Variants in SLC4A9 observed in about 807,000 individuals in gnomAD.
The protein encoded by SLC4A9 is solute carrier family 4 member 9.
SLC4A9 carries 102 observed loss-of-function variants against 103.2 expected under a neutral mutation model. That is an observed-to-expected ratio of 0.99 (90% CI 0.84 to 1.17). The LOEUF (loss-of-function observed/expected upper bound fraction) is 1.17. Among genes scored for constraint, SLC4A9 ranks in the 50% most tolerant of loss-of-function variants. The pLI, the probability that SLC4A9 is intolerant of heterozygous loss-of-function variation, is 0.00. For synonymous variants in SLC4A9, 453 were observed against 483.6 expected (o/e 0.94, Z 0.83); for missense variants, 1,091 against 1,193.7 (o/e 0.91, Z 1.27).
rs1334581380 is a variant in SLC4A9 at position 140,375,110 on chromosome 5, T to G, written c.*329T>G. 2.0e-5 allele frequency: 3 copies of G among 152,122 alleles called. No homozygotes were observed. Among genetic ancestry groups the G allele is most frequent in the Non-Finnish European group, 4.4e-5 (3 of 68,014 alleles). The allele number at this position is 152,122 out of a possible 1,614,324, so 9.4% of individuals were successfully genotyped here. On this transcript the variant is annotated 3_prime_UTR_variant, in exon 22 of 22. Coordinates refer to ENST00000506757, the MANE Select transcript of SLC4A9 (RefSeq NM_031467.3). ...TCATCTTGCAAAGAGAAAAAGCCAG[T>G]CTTTCCAGAATAAATATTCATCTGT...
chr5:140,362,103 A>G lies in SLC4A9; in HGVS notation c.648A>G (p.Pro216=), dbSNP rs372705485. ...GGGAGCTGGGCTTCCTGGCACAGCC[A>G]CTGGGAGCCTTTGTTCGACTGCGGA... ...LAGELGFLAQ[P]LGAFVRLRNP... is the part of the protein sequence containing the mutation. The change falls in exon 5 of 22, where the codon CCA becomes CCG. Residue 216 remains proline, a synonymous_variant. Coordinates refer to ENST00000506757, the MANE Select transcript of SLC4A9 (RefSeq NM_031467.3). 1.2e-5 allele frequency: 19 copies of G among 1,580,222 alleles called. No homozygotes were observed. The African/African-American group carries it at 2.6e-4, about 22-fold the overall frequency.
Position 140,360,265 on chromosome 5 carries a change from G to A in SLC4A9, c.29G>A (p.Gly10Glu), listed in dbSNP as rs1215676349. The A allele has an allele frequency of 6.2e-7, 1 of 1,612,018 alleles. No homozygotes were observed. The highest frequency in any genetic ancestry group is 1.1e-5 in the South Asian group (1 of 90,534). The change falls in exon 1 of 22, where the codon GGG (glycine) becomes GAG (glutamate). Residue 10 changes from glycine to glutamate, a missense_variant. Transcript: ENST00000506757. The stretch of plus-strand genomic sequence containing the variant: ...GAAATGAAGCTGCCAGGCCAGGAAG[G>A]GTTTGAAGCCTCCAGTGCTCCTAGA... MEMKLPGQE[G>E]FEASSAPRNI...
Position 140,362,560 on chromosome 5 carries a change from G to A in SLC4A9, c.807+28G>A, listed in dbSNP as rs537821127. The A allele has an allele frequency of 1.0e-4, 167 of 1,591,076 alleles. 1 individual carries two copies. Among genetic ancestry groups the A allele is most frequent in the South Asian group, 8.1e-4 (73 of 90,664 alleles). ...GAGCTGAGCAGGTGTGTGTGTGTGC[G>A]CGCGCACGCGTGCATGCCTGTGTGT... On this transcript the variant is annotated intron_variant, in intron 6 of 21. Coordinates refer to ENST00000506757, the MANE Select transcript of SLC4A9 (RefSeq NM_031467.3).
At chr5:140,360,578 C>A in intron 1 of SLC4A9, 112 bp downstream of exon 1, 1 of 1,170,390 alleles carries the variant, frequency 8.5e-7, no homozygotes. Context: ...ATTTTCCCAG[C>A]TGTGTTCCCT....
At chr5:140,365,421 A>G in intron 11 of SLC4A9, 99 bp from the exon 12 acceptor site, 1 of 987,656 alleles carries the variant, frequency 1.0e-6, no homozygotes, top group Non-Finnish European at 1.5e-6. Flanking sequence ...CACAATTAAG[A>G]ACTCTGGTTC....
chr5:140,360,730 C>A, intron 1 of SLC4A9, 82 bp from the exon 2 acceptor site: 1 of 1,590,916 alleles, frequency 6.3e-7, no homozygotes, highest in South Asian at 1.1e-5. Context: ...CATTGCCTTG[C>A]CTTCCCTAGC....
intron 12 of SLC4A9, 106 bp downstream of exon 12, chr5:140,365,684 G>T: frequency 1.4e-6 from 2 of 1,432,982 alleles, no homozygotes; most frequent in Non-Finnish European, 1.9e-6. Flanking sequence ...CTTCATAGGT[G>T]AGTAAAGCTT....
chr5:140,365,431 C>A, intron 11 of SLC4A9, 89 bp from the exon 12 acceptor site: 1 of 1,135,308 alleles, frequency 8.8e-7, no homozygotes, highest in Non-Finnish European at 1.3e-6. Context: ...AACTCTGGTT[C>A]ACCTGGACCC....
chr5:140,363,380 G>C lies in SLC4A9; in HGVS notation c.963-59G>C. ...AGGGGGCAGGGCGCCACGAGCTCTG[G>C]ACCGAGTCGCAGACTGGTTGGAGAT... is the stretch of plus-strand genomic sequence containing the variant. On this transcript the variant is annotated intron_variant, in intron 7 of 21. Transcript: ENST00000506757. This position sits in a 1 kb window ranked among gnomAD's most constrained non-coding sequence, Gnocchi z 4.5. The C allele has an allele frequency of 6.8e-7, 1 of 1,473,556 alleles. No homozygotes were observed. The highest frequency in any genetic ancestry group is 9.3e-7 in the Non-Finnish European group (1 of 1,079,572). The allele number at this position is 1,473,556 out of a possible 1,614,324, so 91.3% of individuals were successfully genotyped here. A position where few individuals can be genotyped will look rare whatever the true frequency, so the allele number is the denominator to read the frequency against.
intron 1 of SLC4A9, 128 bp from the exon 2 acceptor site, chr5:140,360,684 G>C (rs1334790527): frequency 2.1e-6 from 3 of 1,449,846 alleles, no homozygotes; most frequent in Admixed American, 2.0e-5. Flanking sequence ...GCCAGGGTGG[G>C]GGGGAGACTT....
rs766742721 is a variant in SLC4A9 at position 140,362,097 on chromosome 5, A to G, written c.642A>G (p.Ala214=). 1 of 1,581,838 alleles carries G rather than the reference A, an allele frequency of 6.3e-7. No individual in the cohort carries two copies. Among genetic ancestry groups the G allele is most frequent in the South Asian group, 1.2e-5 (1 of 85,222 alleles). Residue 214 remains alanine, a synonymous_variant, in exon 5 of 22, where the codon GCA becomes GCG. Coordinates refer to ENST00000506757, the MANE Select transcript of SLC4A9 (RefSeq NM_031467.3). ...TVLAGELGFL[A]QPLGAFVRLR... ...TGGCAGGGGAGCTGGGCTTCCTGGC[A>G]CAGCCACTGGGAGCCTTTGTTCGAC...
intron 13 of SLC4A9, 21 bp downstream of exon 13, chr5:140,366,043 T>G: frequency 6.2e-7 from 1 of 1,613,478 alleles, no homozygotes; most frequent in Non-Finnish European, 8.5e-7. Context: ...CCTTTCTTTC[T>G]GTGGGAGAGG....
At chr5:140,361,984 T>G (rs755638458) in intron 4 of SLC4A9, 33 bp from the exon 5 acceptor site, 3 of 1,613,562 alleles carry the variant, frequency 1.9e-6, no homozygotes, top group Non-Finnish European at 2.5e-6. Context: ...AAATAACCTT[T>G]CATATTCTGT....
chr5:140,362,572 G>A, intron 6 of SLC4A9, 40 bp downstream of exon 6: 1 of 1,576,296 alleles, frequency 6.3e-7, no homozygotes, highest in Non-Finnish European at 8.7e-7. Flanking sequence ...GCGCACGCGT[G>A]CATGCCTGTG....
intron 17 of SLC4A9, among the ~76,000 whole-genome samples, chr5:140,370,150 G>C (rs1017322742): frequency 6.6e-6 from 1 of 152,078 alleles, no homozygotes; most frequent in African/African-American, 2.4e-5. Context: ...AACCTGGTGA[G>C]AGGAGAAAGA....
rs1011411841 is a variant in SLC4A9 at position 140,366,023 on chromosome 5, G to A, written c.1899+1G>A. On this transcript the variant is annotated splice_donor_variant, in intron 13 of 21. Transcript: ENST00000506757. LOFTEE classifies it high-confidence loss of function. Reference sequence around the variant, plus strand: ...GACCAGCCGCTTCTTCCCCTCTGTGGTGAGTTTCACCTTTCTTTCTGTGGG... The same window carrying A: ...GACCAGCCGCTTCTTCCCCTCTGTGATGAGTTTCACCTTTCTTTCTGTGGG... 9 of 1,613,768 alleles carry A rather than the reference G, an allele frequency of 5.6e-6. No homozygotes were observed. In the African/African-American group the frequency reaches 1.2e-4, roughly 22 times the overall value.
In SLC4A9 at chr5:140,372,766, A is replaced by G; in HGVS notation, c.2848A>G (p.Lys950Glu). 6.3e-7 allele frequency: 1 copy of G among 1,580,356 alleles called. No homozygotes were observed. The highest frequency in any genetic ancestry group is 8.6e-7 in the Non-Finnish European group (1 of 1,162,094). The change falls in exon 21 of 22, where the codon AAG becomes GAG. Residue 950 changes from lysine to glutamate, a missense_variant. Coordinates refer to ENST00000506757, the MANE Select transcript of SLC4A9 (RefSeq NM_031467.3). ...ACAGTCAGAGCTGATGTATCAGCCA[A>G]AGGCTCCAGAAATCAACATTTCTGT... ...SEDSELMYQPKAPEINISVN is the reference protein window; with the variant it reads ...SEDSELMYQPEAPEINISVN
At chr5:140,365,103 A>T (rs987163189) in intron 11 of SLC4A9, among the ~76,000 whole-genome samples, 4 of 152,166 alleles carry the variant, frequency 2.6e-5, no homozygotes, top group Non-Finnish European at 1.5e-5. Context: ...CCAGGTGGAG[A>T]GAGGCTTGGA....
chr5:140,372,590 G>A (rs1185007619), intron 20 of SLC4A9, 155 bp from the exon 21 acceptor site: 11 of 1,438,508 alleles, frequency 7.6e-6, no homozygotes, highest in South Asian at 4.6e-5. Flanking sequence ...AGGGGCCCTC[G>A]ATGTGGGTGG....
Sources: gnomAD v4.1 joint callset for allele counts (sites outside exome capture counted in the v4.1 genomes callset) on GRCh38, gnomAD v4.1.1 for gene constraint, Gnocchi (gnomAD v3.1) non-coding constraint, MANE v1.5 for transcripts, NCBI Gene and HGNC (gene_info 2026-07-23, HGNC 2026-07-21) for gene names.